EYS: variants seen among roughly 807,000 people sequenced by gnomAD.
The protein encoded by EYS is EGF-like photoreceptor maintenance factor.
Under a neutral mutation model 282.1 loss-of-function variants are expected in EYS, and 250 were observed. That is an observed-to-expected ratio of 0.89 (90% CI 0.80 to 0.98). EYS has a LOEUF of 0.98. EYS is among the 50% of genes least tolerant of loss of function. The pLI is 0.00. For synonymous variants in EYS, 1,355 were observed against 1,282.9 expected (o/e 1.06, Z -1.20); for missense variants, 4,016 against 3,709.0 (o/e 1.08, Z -2.15).
At chr6:64,277,170 A>C (rs565871707) in intron 30 of EYS, among the ~76,000 whole-genome samples, 2 of 152,272 alleles carry the variant, frequency 1.3e-5, no homozygotes, top group Non-Finnish European at 2.9e-5. Flanking sequence ...TGAACAAAAC[A>C]CAAACTCTCT....
rs76745735 is a variant in EYS at position 64,215,560 on chromosome 6, A to T, written c.6424+15032T>A. On this transcript the variant is annotated intron_variant, in intron 31 of 42. Coordinates refer to ENST00000503581, the MANE Select transcript of EYS (RefSeq NM_001142800.2). ...CCTCTAATTTGCTATAAATGGAAGT[A>T]ATTTCTATATTTTTTCATTTTTTCC... Among the ~76,000 whole-genome samples, 901 of 152,178 alleles carry T rather than the reference A, an allele frequency of 5.9e-3. 11 individuals are homozygous for T. The highest frequency in any genetic ancestry group is 0.02 in the African/African-American group (842 of 41,540).
At chr6:65,604,612 A>C in intron 2 of EYS, among the ~76,000 whole-genome samples, 1 of 152,138 alleles carries the variant, frequency 6.6e-6, no homozygotes, top group Non-Finnish European at 1.5e-5. Context: ...CATTAAAATA[A>C]ATAAATTTGA....
chr6:64,723,906 A>T (rs906308467), intron 22 of EYS, among the ~76,000 whole-genome samples: 3 of 152,012 alleles, frequency 2.0e-5, no homozygotes, highest in Non-Finnish European at 4.4e-5. Flanking sequence ...GCAGTCTTGG[A>T]TCTGTGCTTA....
intron 26 of EYS, among the ~76,000 whole-genome samples, chr6:64,505,207 C>T (rs978787775): frequency 6.6e-6 from 1 of 152,096 alleles, no homozygotes; most frequent in Non-Finnish European, 1.5e-5. Flanking sequence ...TAACTTTTTC[C>T]TTTTCCTGAA....
At chr6:65,400,162 TG>T (rs1304795982) in intron 7 of EYS, among the ~76,000 whole-genome samples, 4 of 152,076 alleles carry the variant, frequency 2.6e-5, no homozygotes, top group Non-Finnish European at 1.5e-5. Context: ...GCAGTAATGC[TG>T]GAGAAGAGTG....
At chr6:63,919,480 T>G (rs911153418) in intron 35 of EYS, among the ~76,000 whole-genome samples, 6 of 152,064 alleles carry the variant, frequency 3.9e-5, no homozygotes, top group African/African-American at 1.4e-4. Context: ...TGTATCTAAT[T>G]CAAATTGTAA....
chr6:65,477,211 A>G (rs1450876275), intron 5 of EYS, among the ~76,000 whole-genome samples: 1 of 152,162 alleles, frequency 6.6e-6, no homozygotes, highest in African/African-American at 2.4e-5. Context: ...AACTGAAGCC[A>G]TATGTTCAGA....
chr6:65,382,342 T>A (rs1303470606), intron 8 of EYS, among the ~76,000 whole-genome samples: 1 of 151,698 alleles, frequency 6.6e-6, no homozygotes, highest in Non-Finnish European at 1.5e-5. Flanking sequence ...TGGACTCACT[T>A]TTTTTCCATG....
chr6:65,385,171 A>AC (rs1765752861), intron 7 of EYS, among the ~76,000 whole-genome samples: 1 of 151,850 alleles, frequency 6.6e-6, no homozygotes. Context: ...AATAAATGGG[A>AC]CCCCAAATGA....
At chr6:64,276,992 T>C (rs1195354703) in intron 30 of EYS, among the ~76,000 whole-genome samples, 1 of 152,142 alleles carries the variant, frequency 6.6e-6, no homozygotes, top group East Asian at 1.9e-4. Flanking sequence ...TTGATGCAGT[T>C]TTTCTCAGGA....
chr6:63,725,014 T>A (rs181958754), intron 42 of EYS, among the ~76,000 whole-genome samples: 250 of 152,292 alleles, frequency 1.6e-3, no homozygotes, highest in Middle Eastern at 3.4e-3. Flanking sequence ...TCAAATAAAC[T>A]TGTTATATCA....
At chr6:64,001,253 T>C (rs183757912) in intron 33 of EYS, among the ~76,000 whole-genome samples, 1 of 152,336 alleles carries the variant, frequency 6.6e-6, no homozygotes, top group East Asian at 1.9e-4. Flanking sequence ...ACATAAATCA[T>C]TCAGTGCTAA....
intron 35 of EYS, among the ~76,000 whole-genome samples, chr6:63,981,589 A>G (rs1435918713): frequency 6.6e-6 from 1 of 151,868 alleles, no homozygotes; most frequent in African/African-American, 2.4e-5. Flanking sequence ...TTAATGATAC[A>G]CAACTGGTAC....
intron 36 of EYS, among the ~76,000 whole-genome samples, chr6:63,819,152 G>A (rs1231655991): frequency 2.6e-5 from 4 of 152,158 alleles, no homozygotes; most frequent in Non-Finnish European, 5.9e-5. Flanking sequence ...TTGGAACAGT[G>A]CCTGCCCATA....
chr6:64,631,389 AC>A (rs1318454558), intron 22 of EYS: 1 of 152,162 alleles, frequency 6.6e-6, no homozygotes, highest in Admixed American at 6.5e-5. Flanking sequence ...TGTTTGGATA[AC>A]CACCTGGCCT....
At chr6:64,245,616 C>T (rs1766985442) in intron 30 of EYS, among the ~76,000 whole-genome samples, 1 of 152,152 alleles carries the variant, frequency 6.6e-6, no homozygotes, top group Non-Finnish European at 1.5e-5. Context: ...ATTTAAGCCA[C>T]TTCCTTCTTT....
chr6:63,939,630 A>T (rs1462823096), intron 35 of EYS, among the ~76,000 whole-genome samples: 1 of 152,216 alleles, frequency 6.6e-6, no homozygotes. Context: ...GATTTTCTTC[A>T]ATAAATATAT....
intron 31 of EYS, among the ~76,000 whole-genome samples, chr6:64,187,252 C>T (rs547489955): frequency 1.0e-3 from 159 of 152,176 alleles, no homozygotes; most frequent in South Asian, 2.5e-3. Flanking sequence ...GTTTCTGTCT[C>T]ATCTGTGGTA....
chr6:64,360,020 G>A (rs964847181), intron 29 of EYS, among the ~76,000 whole-genome samples: 4 of 151,590 alleles, frequency 2.6e-5, no homozygotes, highest in African/African-American at 4.8e-5. Flanking sequence ...ATGGTTTCAA[G>A]TTTCTTCATA....
Sources: gnomAD v4.1 joint callset for allele counts (sites outside exome capture counted in the v4.1 genomes callset) on GRCh38, gnomAD v4.1.1 for gene constraint, MANE v1.5 for transcripts, NCBI Gene and HGNC (gene_info 2026-07-23, HGNC 2026-07-21) for gene names.